MGST1: variants seen among roughly 807,000 people sequenced by gnomAD.
MGST1 encodes the protein microsomal glutathione S-transferase 1.
In MGST1, 5 loss-of-function variants were observed where a neutral mutation model predicts 8.9. The ratio of observed to expected loss-of-function variants is 0.56; its 90% CI spans 0.29 to 1.19. MGST1 has a LOEUF of 1.19. Among genes scored for constraint, MGST1 ranks in the 50% most tolerant of loss-of-function variants. The pLI, the probability that MGST1 is intolerant of heterozygous loss-of-function variation, is 0.08. For synonymous variants in MGST1, 54 were observed against 67.8 expected, an observed-to-expected ratio of 0.80 and a Z score of 1.00; for missense variants, 182 against 187.4, an observed-to-expected ratio of 0.97 and a Z score of 0.17.
chr12:16,479,134 T>C (rs1309516332), intron 4 of MGST1, among the ~76,000 whole-genome samples: 1 of 151,948 alleles, frequency 6.6e-6, no homozygotes, highest in Non-Finnish European at 1.5e-5. Flanking sequence ...ATGTATCTAC[T>C]ATACATATTA....
intron 1 of MGST1, among the ~76,000 whole-genome samples, chr12:16,412,918 G>C (rs906308717): frequency 6.6e-6 from 1 of 152,090 alleles, no homozygotes; most frequent in African/African-American, 2.4e-5. Flanking sequence ...TTTTTGTTTG[G>C]AAAAGTCAAC....
chr12:16,450,081 T>C (rs150254544), intron 4 of MGST1, among the ~76,000 whole-genome samples: 1 of 152,060 alleles, frequency 6.6e-6, no homozygotes, highest in Non-Finnish European at 1.5e-5. Context: ...TGAGAATAAG[T>C]TATAGCCACA....
rs1940107564 is a variant in MGST1 at position 16,363,810 on chromosome 12, C to A, written c.237C>A (p.Asp79Glu). 1 of 1,604,866 alleles carries A rather than the reference C, an allele frequency of 6.2e-7. No individual in the cohort carries two copies. The highest frequency in any genetic ancestry group is 1.3e-5 in the African/African-American group (1 of 74,740). ...TTTTCCACAGAGCCCACCTGAATGA[C>A]CTTGAAAATATTATTCCATTTCTTG... ...VERVRRAHLN[D>E]LENIIPFLGI... Residue 79 changes from aspartate to glutamate, a missense_variant, in exon 4 of 4, where the codon GAC becomes GAA. Coordinates refer to ENST00000396210, the MANE Select transcript of MGST1 (RefSeq NM_020300.5). The surrounding 1 kb of genome is among the most constrained non-coding windows in gnomAD (Gnocchi z 4.6).
chr12:16,426,327 C>T (rs1940886301), intron 1 of MGST1, among the ~76,000 whole-genome samples: 1 of 152,202 alleles, frequency 6.6e-6, no homozygotes, highest in South Asian at 2.1e-4. Flanking sequence ...TGCTCATTCA[C>T]TGCACTTTTC....
chr12:16,359,521 A>T (rs78324435), intron 3 of MGST1, among the ~76,000 whole-genome samples: 1,676 of 152,336 alleles, frequency 0.011, 33 homozygotes, highest in African/African-American at 0.038. Context: ...AAGAATATGG[A>T]TATAAAATAG....
chr12:16,438,970 T>C (rs982150566), downstream of MGST1, among the ~76,000 whole-genome samples: 1 of 151,868 alleles, frequency 6.6e-6, no homozygotes, highest in Non-Finnish European at 1.5e-5. Flanking sequence ...GTGGTGCAGA[T>C]TTTTAATGGG....
intron 4 of MGST1, among the ~76,000 whole-genome samples, chr12:16,506,122 A>C (rs926210597): frequency 6.6e-6 from 1 of 152,198 alleles, no homozygotes; most frequent in Non-Finnish European, 1.5e-5. Flanking sequence ...CAAGCTAACA[A>C]TTTAGCCTGT....
chr12:16,387,702 A>G (rs562399742), intron 1 of MGST1, among the ~76,000 whole-genome samples: 23 of 151,904 alleles, frequency 1.5e-4, no homozygotes, highest in Middle Eastern at 3.4e-3. Flanking sequence ...AATTTTTTGT[A>G]TTTTTAGTAG....
chr12:16,390,329 T>A (rs1401327707), intron 1 of MGST1, among the ~76,000 whole-genome samples: 1 of 152,228 alleles, frequency 6.6e-6, no homozygotes, highest in East Asian at 1.9e-4. Flanking sequence ...TCTAAACATA[T>A]GCATATTTGC....
intron 3 of MGST1, among the ~76,000 whole-genome samples, chr12:16,375,016 G>T (rs1432145834): frequency 2.6e-5 from 4 of 152,148 alleles, no homozygotes; most frequent in Non-Finnish European, 5.9e-5. Context: ...GAGTAGCTTA[G>T]ACAACAGGCA....
At chr12:16,562,263 G>C (rs188315323) in intron 4 of MGST1, among the ~76,000 whole-genome samples, 1 of 152,156 alleles carries the variant, frequency 6.6e-6, no homozygotes, top group Admixed American at 6.5e-5. Context: ...ATCTGCTTAG[G>C]AGATCACTTA....
At chr12:16,566,907 C>T (rs1185428020) in intron 4 of MGST1, among the ~76,000 whole-genome samples, 3 of 152,124 alleles carry the variant, frequency 2.0e-5, no homozygotes, top group African/African-American at 7.2e-5. Flanking sequence ...ACTACAATTT[C>T]AGTAAAAAAC....
Position 16,434,383 on chromosome 12 carries a change from T to C in MGST1, n.779-3005T>C, listed in dbSNP as rs1940965205. Among the ~76,000 whole-genome samples, 4 of 152,038 alleles carry C rather than the reference T, an allele frequency of 2.6e-5. No homozygotes were observed. In the South Asian group the frequency reaches 8.3e-4, roughly 31 times the overall value. On this transcript the variant is annotated intron_variant and non_coding_transcript_variant, in intron 1 of 1. Transcript: ENST00000359720. ...TTAAACAACGGAAATTTCTAGTTCT[T>C]CCGATCACTTATTATGTCTCATTAT...
chr12:16,434,546 T>C (rs1940967075), intron 1 of MGST1, among the ~76,000 whole-genome samples: 1 of 152,050 alleles, frequency 6.6e-6, no homozygotes, highest in African/African-American at 2.4e-5. Context: ...TAGGAAATTA[T>C]ACTATGACTT....
chr12:16,361,226 C>T lies in MGST1; in HGVS notation c.222-2569C>T, dbSNP rs569898671. Among the ~76,000 whole-genome samples, 1 of 152,228 alleles carries T rather than the reference C, an allele frequency of 6.6e-6. No homozygotes were observed. The highest frequency in any genetic ancestry group is 1.9e-4 in the East Asian group (1 of 5,170). ...GCTGAGATGAGGGCGTCAGGAAAAG[C>T]CTGCTGTGCAGCTCCTTTTGTAGTT... On this transcript the variant is annotated intron_variant, in intron 3 of 3. Coordinates refer to ENST00000396210, the MANE Select transcript of MGST1 (RefSeq NM_020300.5). This position sits in a 1 kb window ranked among gnomAD's most constrained non-coding sequence, Gnocchi z 4.2.
At chr12:16,452,513 G>T (rs1941137789) in intron 4 of MGST1, among the ~76,000 whole-genome samples, 1 of 151,514 alleles carries the variant, frequency 6.6e-6, no homozygotes, top group African/African-American at 2.4e-5. Flanking sequence ...TACTACTAAA[G>T]AATACAACAG....
intron 4 of MGST1, among the ~76,000 whole-genome samples, chr12:16,505,194 T>C (rs968747049): frequency 6.6e-6 from 1 of 152,152 alleles, no homozygotes; most frequent in Admixed American, 6.5e-5. Flanking sequence ...TCTGCAGAGT[T>C]ACCACAGGTC....
intron 1 of MGST1, among the ~76,000 whole-genome samples, chr12:16,397,452 T>G (rs1454343832): frequency 1.3e-5 from 2 of 152,124 alleles, no homozygotes; most frequent in Non-Finnish European, 2.9e-5. Flanking sequence ...AAAGAACTTC[T>G]GCACAGCTAA....
chr12:16,532,287 C>T (rs1941728005), intron 4 of MGST1, among the ~76,000 whole-genome samples: 1 of 152,050 alleles, frequency 6.6e-6, no homozygotes, highest in African/African-American at 2.4e-5. Context: ...TTCTTGTTTG[C>T]TTGCTTGGGG....
Sources: allele counts gnomAD v4.1 joint callset (sites outside exome capture counted in the v4.1 genomes callset), GRCh38; gene constraint gnomAD v4.1.1; non-coding constraint Gnocchi (gnomAD v3.1); transcripts MANE v1.5; gene names NCBI Gene and HGNC (gene_info 2026-07-23, HGNC 2026-07-21).